ANK2: variants seen among roughly 807,000 people sequenced by gnomAD.
ANK2 encodes ankyrin 2.
In ANK2, 83 loss-of-function variants were observed where a neutral mutation model predicts 360.5. The ratio of observed to expected loss-of-function variants is 0.23; its 90% CI spans 0.19 to 0.28. The LOEUF is 0.28. ANK2 is among the 10% of genes least tolerant of loss of function. The pLI, the probability that ANK2 is intolerant of heterozygous loss-of-function variation, is 1.00. For missense variants in ANK2, 4,201 were observed against 4,795.7 expected (o/e 0.88, Z 3.66); for synonymous variants, 1,740 against 1,759.5 (o/e 0.99, Z 0.28).
At chr4:112,864,095 T>C (rs1560843883) in intron 1 of ANK2, among the ~76,000 whole-genome samples, 1 of 152,162 alleles carries the variant, frequency 6.6e-6, no homozygotes, top group South Asian at 2.1e-4. Flanking sequence ...TAGGGTGTTA[T>C]AGAGAAGAGC....
At chr4:112,780,176 G>A in the ANK2 span, among the ~76,000 whole-genome samples, 6 of 142,200 alleles carry the variant, frequency 4.2e-5, no homozygotes, top group Non-Finnish European at 9.1e-5. Flanking sequence ...GACACAGTGA[G>A]ACTCTGTCTC....
chr4:112,920,471 G>A (rs1054279173), intron 2 of ANK2, among the ~76,000 whole-genome samples: 2 of 152,072 alleles, frequency 1.3e-5, no homozygotes, highest in African/African-American at 4.8e-5. Flanking sequence ...TATACCAGAG[G>A]ATGTAGAATA....
At chr4:113,020,494 C>G (rs1282026179) in intron 2 of ANK2, among the ~76,000 whole-genome samples, 1 of 152,128 alleles carries the variant, frequency 6.6e-6, no homozygotes, top group Non-Finnish European at 1.5e-5. Flanking sequence ...GGTGCCCAGC[C>G]TGAGGCAGTC....
chr4:113,318,859 A>G (rs191878808), intron 26 of ANK2, among the ~76,000 whole-genome samples: 1 of 152,334 alleles, frequency 6.6e-6, no homozygotes, highest in East Asian at 1.9e-4. Flanking sequence ...CAACTAGTAG[A>G]ATTGCGTCAA....
chr4:113,160,334 A>G (rs436855), intron 1 of ANK2: 131,146 of 411,706 alleles, frequency 0.32, 21,914 homozygotes, highest in South Asian at 0.42. Context: ...TCAAAGTGCT[A>G]GGATTACAGG....
At chr4:112,727,958 C>A in the ANK2 span, among the ~76,000 whole-genome samples, 1 of 149,346 alleles carries the variant, frequency 6.7e-6, no homozygotes, top group Non-Finnish European at 1.5e-5. Flanking sequence ...GCCTGGGCAA[C>A]AAGAGCGAAA....
intron 1 of ANK2, among the ~76,000 whole-genome samples, chr4:112,823,021 TGGTAAG>T (rs2057550071): frequency 6.6e-6 from 1 of 152,204 alleles, no homozygotes; most frequent in African/African-American, 2.4e-5. Context: ...AGTCTTATTT[TGGTAAG>T]GGTAAGACTC....
intron 10 of ANK2, among the ~76,000 whole-genome samples, chr4:113,253,648 C>A (rs902191757): frequency 1.3e-5 from 2 of 152,120 alleles, no homozygotes; most frequent in Non-Finnish European, 2.9e-5. Context: ...CATTCTGTCA[C>A]CAAACACTGT....
intron 1 of ANK2, among the ~76,000 whole-genome samples, chr4:113,122,191 G>C (rs2095407297): frequency 6.6e-6 from 1 of 152,098 alleles, no homozygotes; most frequent in Admixed American, 6.6e-5. Context: ...GTAAAACTGA[G>C]CATGCTTTCC....
At chr4:113,066,736 G>A (rs2075743813) in intron 1 of ANK2, among the ~76,000 whole-genome samples, 1 of 152,104 alleles carries the variant, frequency 6.6e-6, no homozygotes. Context: ...CAGTGAAGAA[G>A]GGCAAACTGA....
chr4:112,807,452 C>T, the ANK2 span, among the ~76,000 whole-genome samples: 6 of 152,168 alleles, frequency 3.9e-5, no homozygotes, highest in African/African-American at 1.4e-4. Context: ...ATGGGCAGAA[C>T]AGTTACTATT....
chr4:113,207,030 A>G (rs1421041505), intron 4 of ANK2, among the ~76,000 whole-genome samples: 2 of 152,186 alleles, frequency 1.3e-5, no homozygotes, highest in Non-Finnish European at 2.9e-5. Flanking sequence ...TCTCAAAAAA[A>G]AATTGCCAAG....
the ANK2 span, among the ~76,000 whole-genome samples, chr4:112,752,845 T>C: frequency 1.1e-3 from 168 of 152,220 alleles, 1 homozygote; most frequent in Middle Eastern, 3.4e-3. Context: ...TTTGTATTTT[T>C]TGTAGAGAAG....
intron 1 of ANK2, among the ~76,000 whole-genome samples, chr4:112,839,919 A>G (rs36016946): frequency 0.29 from 44,489 of 152,056 alleles, 6,688 homozygotes; most frequent in East Asian, 0.35. Flanking sequence ...AAAAATGCCT[A>G]TTTGTAATCT....
At chr4:113,341,611 C>A in intron 32 of ANK2, 77 bp from the exon 33 acceptor site, 1 of 1,454,084 alleles carries the variant, frequency 6.9e-7, no homozygotes, top group Non-Finnish European at 9.6e-7. Flanking sequence ...CTACTTTGAT[C>A]ATATTGAAGG....
At position 113,330,419 on chromosome 4, in the gene ANK2, G is replaced by T. The variant is rs773532854; in HGVS notation, c.3074G>T (p.Gly1025Val). The T allele has an allele frequency of 7.4e-6, 12 of 1,614,234 alleles. No homozygotes were observed. Among genetic ancestry groups the T allele is most frequent in the South Asian group, 1.1e-5 (1 of 91,086 alleles). Residue 1025 changes from glycine (G) to valine (V), a missense_variant, in exon 27 of 46, where the codon GGC becomes GTC. Around this residue, in one of 4 missense-constraint regions of ANK2, gnomAD observed 1,268 missense variants for 1,650.8 expected, o/e 0.77. Transcript: ENST00000357077. ...ATMPPMVEGE[G>V]LASRLIEVGP... is the part of the protein sequence containing the mutation. The stretch of plus-strand genomic sequence containing the variant: ...ATGCCTCCAATGGTGGAAGGAGAAG[G>T]CCTGGCCAGTCGCCTGATCGAAGTT...
chr4:113,268,115 T>C (rs1586664374), intron 14 of ANK2, among the ~76,000 whole-genome samples: 1 of 152,228 alleles, frequency 6.6e-6, no homozygotes, highest in African/African-American at 2.4e-5. Flanking sequence ...CCTGAGACTT[T>C]GCTGAAGTTG....
chr4:112,907,540 T>A (rs1328205947), intron 2 of ANK2, among the ~76,000 whole-genome samples: 1 of 152,186 alleles, frequency 6.6e-6, no homozygotes, highest in Non-Finnish European at 1.5e-5. Flanking sequence ...TGAGACATCC[T>A]CATTGAATCT....
At chr4:113,172,739 A>T in intron 1 of ANK2, among the ~76,000 whole-genome samples, 2 of 152,312 alleles carry the variant, frequency 1.3e-5, no homozygotes, top group South Asian at 2.1e-4. Context: ...TATATCTGTA[A>T]CCTAATACTA....
Sources: gnomAD v4.1 joint callset for allele counts (sites outside exome capture counted in the v4.1 genomes callset) on GRCh38, gnomAD v4.1.1 for gene constraint, gnomAD v4.1.1 regional missense constraint, MANE v1.5 for transcripts, NCBI Gene and HGNC (gene_info 2026-07-23, HGNC 2026-07-21) for gene names.